RAPGEF2: variants seen among roughly 807,000 people sequenced by gnomAD.
RAPGEF2 encodes the protein PDZ domain containing guanine nucleotide exchange factor (GEF) 1.
Under a neutral mutation model 186.7 loss-of-function variants are expected in RAPGEF2, and 54 were observed. The ratio of observed to expected loss-of-function variants is 0.29; its 90% CI spans 0.23 to 0.36. The LOEUF (loss-of-function observed/expected upper bound fraction) is 0.36. RAPGEF2 is among the 10% of genes least tolerant of loss of function. RAPGEF2 has a pLI of 1.00. For synonymous variants in RAPGEF2, 712 were observed against 705.9 expected (o/e 1.01, Z -0.14); for missense variants, 1,532 against 2,045.0 (o/e 0.75, Z 4.84).
At chr4:159,231,014 C>T (rs1172122331) in intron 4 of RAPGEF2, among the ~76,000 whole-genome samples, 2 of 152,090 alleles carry the variant, frequency 1.3e-5, no homozygotes, top group Admixed American at 1.3e-4. Context: ...TAGTCATGCA[C>T]TGTGTAATAA....
chr4:159,118,290 G>C (rs1011743147), intron 1 of RAPGEF2, among the ~76,000 whole-genome samples: 1 of 152,170 alleles, frequency 6.6e-6, no homozygotes, highest in Admixed American at 6.5e-5. Context: ...AAGGGATCTA[G>C]GTTGTGTACT....
At chr4:159,117,048 C>T (rs1233789374) in intron 1 of RAPGEF2, among the ~76,000 whole-genome samples, 5 of 151,840 alleles carry the variant, frequency 3.3e-5, no homozygotes, top group African/African-American at 1.2e-4. Context: ...AAGTATTTAT[C>T]TAAGTTGTAT....
At chr4:159,265,230 T>G (rs1037293191) in intron 7 of RAPGEF2, among the ~76,000 whole-genome samples, 2 of 152,156 alleles carry the variant, frequency 1.3e-5, no homozygotes, top group African/African-American at 4.8e-5. Flanking sequence ...CAGACAGATA[T>G]GGCACCAGCC....
chr4:159,281,148 C>T (rs567113843), intron 7 of RAPGEF2, among the ~76,000 whole-genome samples: 51 of 151,850 alleles, frequency 3.4e-4, no homozygotes, highest in Non-Finnish European at 6.6e-4. Context: ...CGCACTACCA[C>T]GTGCAGCTAA....
intron 19 of RAPGEF2, among the ~76,000 whole-genome samples, chr4:159,341,291 C>G (rs377495261): frequency 6.6e-6 from 1 of 152,144 alleles, no homozygotes; most frequent in Non-Finnish European, 1.5e-5. Context: ...TAAAATACTT[C>G]AGAAATCAGG....
intron 1 of RAPGEF2, among the ~76,000 whole-genome samples, chr4:159,165,743 C>A (rs1050051773): frequency 6.6e-6 from 1 of 152,050 alleles, no homozygotes; most frequent in Admixed American, 6.5e-5. Context: ...CAGGCGCCTA[C>A]CCCAATGCCC....
intron 4 of RAPGEF2, among the ~76,000 whole-genome samples, chr4:159,217,925 G>A (rs78154062): frequency 0.11 from 17,190 of 151,982 alleles, 1,909 homozygotes; most frequent in African/African-American, 0.28. Context: ...GCATTTTTTC[G>A]TATGTTTATT....
At chr4:159,326,736 C>T (rs1434607342) in intron 11 of RAPGEF2, 1 of 152,190 alleles carries the variant, frequency 6.6e-6, no homozygotes, top group Non-Finnish European at 1.5e-5. Flanking sequence ...TTCCATTACC[C>T]ACATGTACCT....
At chr4:159,197,583 C>T (rs181574317) in intron 3 of RAPGEF2, among the ~76,000 whole-genome samples, 1 of 152,292 alleles carries the variant, frequency 6.6e-6, no homozygotes, top group East Asian at 1.9e-4. Flanking sequence ...AAATTGTTCT[C>T]CATAAAAGAG....
At chr4:159,261,217 A>T (rs1388176155) in intron 7 of RAPGEF2, among the ~76,000 whole-genome samples, 1 of 151,954 alleles carries the variant, frequency 6.6e-6, no homozygotes, top group Non-Finnish European at 1.5e-5. Context: ...ACTGCCACCA[A>T]GACTGGCTAA....
intron 7 of RAPGEF2, among the ~76,000 whole-genome samples, chr4:159,257,092 GT>G (rs1332325353): frequency 6.6e-6 from 1 of 151,824 alleles, no homozygotes; most frequent in Non-Finnish European, 1.5e-5. Flanking sequence ...TGCTTTCGGT[GT>G]TTTTGTTTTG....
rs779946028 is a variant in RAPGEF2 at position 159,342,369 on chromosome 4, C to T, written c.2918+422C>T. 4.0e-5 allele frequency among the ~76,000 whole-genome samples: 6 copies of T among 151,026 alleles called. No homozygotes were observed. The South Asian group carries it at 6.3e-4, about 16-fold the overall frequency. On this transcript the variant is annotated intron_variant, in intron 20 of 29. Transcript: ENST00000691494. ...CATCAAATAGCACAAAGCAGATGGC[C>T]GGGAAATGTTAATTTTCTTCCCTTT...
Position 159,345,173 on chromosome 4 carries a change from C to T in RAPGEF2, c.3346C>T (p.Arg1116Trp), listed in dbSNP as rs767934073. 3.7e-6 allele frequency: 6 copies of T among 1,614,120 alleles called. No individual in the cohort carries two copies. Among genetic ancestry groups the T allele is most frequent in the Middle Eastern group, 1.6e-4 (1 of 6,062 alleles). Residue 1116 changes from arginine (R) to tryptophan (W), a missense_variant, in exon 24 of 30, where the codon CGG (arginine) becomes TGG (tryptophan). By Grantham distance (101) the Arg-to-Trp change is moderately radical. Coordinates refer to ENST00000691494, the MANE Select transcript of RAPGEF2 (RefSeq NM_001394067.2). Reference protein sequence around the residue: ...DVAQTGGHKKRVRRSSFLNAK... With the variant: ...DVAQTGGHKKWVRRSSFLNAK... ...TGCTCAGACAGGTGGTCATAAAAAGCGGGTACGTCGTAGTTCCTTTCTCAA... is the reference window on the plus strand; with the variant it reads ...TGCTCAGACAGGTGGTCATAAAAAGTGGGTACGTCGTAGTTCCTTTCTCAA...
intron 7 of RAPGEF2, among the ~76,000 whole-genome samples, chr4:159,261,294 C>T (rs1049050391): frequency 8.7e-5 from 13 of 150,042 alleles, no homozygotes; most frequent in African/African-American, 3.2e-4. Context: ...CATCTCCTGA[C>T]CTTGTGATTC....
intron 9 of RAPGEF2, among the ~76,000 whole-genome samples, chr4:159,319,500 A>G (rs1240826750): frequency 2.6e-5 from 4 of 152,022 alleles, no homozygotes; most frequent in Admixed American, 6.6e-5. Context: ...GCTGCCATAT[A>G]TATATATGAT....
At chr4:159,167,326 G>GT (rs1445433168) in intron 1 of RAPGEF2, among the ~76,000 whole-genome samples, 2 of 152,174 alleles carry the variant, frequency 1.3e-5, no homozygotes, top group African/African-American at 2.4e-5. Context: ...GCTTCAAATG[G>GT]TAACTAATCA....
intron 4 of RAPGEF2, among the ~76,000 whole-genome samples, chr4:159,218,482 G>A (rs774125192): frequency 3.4e-4 from 52 of 152,142 alleles, no homozygotes; most frequent in Admixed American, 5.9e-4. Flanking sequence ...TTGGCCTGGC[G>A]CAGTGGCTCG....
intron 3 of RAPGEF2, among the ~76,000 whole-genome samples, chr4:159,204,032 C>T (rs528438082): frequency 6.6e-6 from 1 of 152,300 alleles, no homozygotes; most frequent in South Asian, 2.1e-4. Context: ...GGACCTTCTC[C>T]TGTGAAGGAC....
In RAPGEF2 at chr4:159,273,449, C is replaced by T. The variant is rs185197854; in HGVS notation, c.543+29658C>T. On this transcript the variant is annotated intron_variant, in intron 7 of 29. Coordinates refer to ENST00000691494, the MANE Select transcript of RAPGEF2 (RefSeq NM_001394067.2). ...TAGTCAAAATAAGTATACCTCATAT[C>T]TTTGCCTTTAAATATTTTTAGTAAT... Among the ~76,000 whole-genome samples, 406 of 152,164 alleles carry T rather than the reference C, an allele frequency of 2.7e-3. 1 individual carries two copies. Among genetic ancestry groups the T allele is most frequent in the Middle Eastern group, 6.8e-3 (2 of 292 alleles).
Sources: gnomAD v4.1 joint callset for allele counts (sites outside exome capture counted in the v4.1 genomes callset) on GRCh38, gnomAD v4.1.1 for gene constraint, MANE v1.5 for transcripts, NCBI Gene and HGNC (gene_info 2026-07-23, HGNC 2026-07-21) for gene names.